The following HACD3 variants were observed in gnomAD, a reference collection of about 807,000 sequenced individuals.
The protein encoded by HACD3 is 3-hydroxyacyl-CoA dehydratase 3, also known as very-long-chain (3R)-3-hydroxyacyl-CoA dehydratase 3.
HACD3 carries 30 observed loss-of-function variants against 55.2 expected under a neutral mutation model. The ratio of observed to expected loss-of-function variants is 0.54; its 90% CI spans 0.41 to 0.74. HACD3 has a LOEUF of 0.74. Among genes scored for constraint, HACD3 ranks in the 30% least tolerant of loss-of-function variants. The pLI, the probability that HACD3 is intolerant of heterozygous loss-of-function variation, is 0.00. For missense variants in HACD3, 363 were observed against 440.1 expected, an observed-to-expected ratio of 0.82 and a Z score of 1.57; for synonymous variants, 141 against 151.7, an observed-to-expected ratio of 0.93 and a Z score of 0.52.
At chr15:65,535,662 T>C in intron 1 of HACD3, 1 of 418,664 alleles carries the variant, frequency 2.4e-6, no homozygotes, top group Non-Finnish European at 4.2e-6. Flanking sequence ...ATTATATCTG[T>C]TCTGGTGATC....
intron 10 of HACD3, among the ~76,000 whole-genome samples, chr15:65,574,706 G>T (rs8026786): frequency 0.2 from 30,970 of 151,884 alleles, 3,489 homozygotes; most frequent in African/African-American, 0.3. Flanking sequence ...ATTTGCAAAA[G>T]GTTAAAATTT....
At chr15:65,564,067 G>GC (rs1379073067) in intron 6 of HACD3, 148 bp from the exon 7 acceptor site, 1 of 1,001,124 alleles carries the variant, frequency 1.0e-6, no homozygotes, top group African/African-American at 1.6e-5. Context: ...CACCCTTCCT[G>GC]CTTAGTTAAG....
intron 1 of HACD3, 65 bp from the exon 2 acceptor site, chr15:65,551,611 C>T (rs960115449): frequency 5.7e-6 from 9 of 1,583,544 alleles, no homozygotes; most frequent in Non-Finnish European, 7.8e-6. Context: ...GAAGAAGCCC[C>T]TTGTTTAATC....
intron 2 of HACD3, chr15:65,552,015 T>A (rs1241245595): frequency 6.5e-6 from 2 of 306,980 alleles, no homozygotes; most frequent in Non-Finnish European, 1.2e-5. Context: ...GCCGCTATCT[T>A]GGACAAGTTA....
intron 8 of HACD3, 40 bp downstream of exon 8, chr15:65,570,243 C>T: frequency 3.6e-6 from 5 of 1,380,042 alleles, no homozygotes; most frequent in Non-Finnish European, 5.1e-6. Context: ...ATGCTGCTCC[C>T]TGTTTGCAGC....
chr15:65,537,978 T>A (rs1475372482), intron 1 of HACD3, among the ~76,000 whole-genome samples: 7 of 98,084 alleles, frequency 7.1e-5, no homozygotes, highest in South Asian at 4.4e-4. Context: ...TATATATATA[T>A]ATATATATAT....
At chr15:65,532,651 G>C (rs989560746) in intron 1 of HACD3, among the ~76,000 whole-genome samples, 3 of 145,930 alleles carry the variant, frequency 2.1e-5, no homozygotes, top group African/African-American at 7.5e-5. Context: ...AAAAAAAAAA[G>C]TAACCATCTA....
chr15:65,542,590 G>T (rs1478522376), intron 1 of HACD3, among the ~76,000 whole-genome samples: 2 of 151,932 alleles, frequency 1.3e-5, no homozygotes, highest in Non-Finnish European at 2.9e-5. Context: ...AAATATATTT[G>T]CAAATTTTTG....
intron 1 of HACD3, among the ~76,000 whole-genome samples, chr15:65,548,551 A>G (rs2072099446): frequency 6.6e-6 from 1 of 151,888 alleles, no homozygotes; most frequent in South Asian, 2.1e-4. Flanking sequence ...GATGATTTGA[A>G]AATTTTCGTA....
intron 7 of HACD3, among the ~76,000 whole-genome samples, chr15:65,567,491 A>G (rs1456919752): frequency 6.6e-6 from 1 of 152,186 alleles, no homozygotes; most frequent in East Asian, 1.9e-4. Flanking sequence ...TAATATTGTT[A>G]GTTCTCATAT....
rs564176954 is a variant in HACD3, at chr15:65,544,909, T to C, written c.88-6767T>C. 1.1e-3 allele frequency among the ~76,000 whole-genome samples: 160 copies of C among 151,696 alleles called. No homozygotes were observed. In the Middle Eastern group the frequency reaches 0.02, roughly 19 times the overall value. ...GGTTGCACGTGTCTGTAATCCCAGC[T>C]GCTCGGGAGGCTGAGGCAGGAGAAT... On this transcript the variant is annotated intron_variant, in intron 1 of 10. Transcript: ENST00000261875.
intron 4 of HACD3, 76 bp downstream of exon 4, chr15:65,556,979 C>A: frequency 7.4e-7 from 1 of 1,356,666 alleles, no homozygotes; most frequent in Non-Finnish European, 1.0e-6. Flanking sequence ...ACTTCAGATA[C>A]CTCTCGGTCT....
chr15:65,568,986 G>A (rs2072321204), intron 7 of HACD3, among the ~76,000 whole-genome samples: 1 of 152,100 alleles, frequency 6.6e-6, no homozygotes, highest in Non-Finnish European at 1.5e-5. Flanking sequence ...GGTGGCTCAT[G>A]CCTGTAATCC....
At chr15:65,573,692 ATACTC>A (rs560633606) in intron 10 of HACD3, among the ~76,000 whole-genome samples, 67 of 152,304 alleles carry the variant, frequency 4.4e-4, no homozygotes, top group Non-Finnish European at 7.9e-4. Flanking sequence ...TATCTATACT[ATACTC>A]TATACATAGA....
chr15:65,549,223 C>T (rs558064179), intron 1 of HACD3, among the ~76,000 whole-genome samples: 47 of 152,038 alleles, frequency 3.1e-4, no homozygotes, highest in Non-Finnish European at 5.7e-4. Context: ...TTTTGCCTTG[C>T]GAACATTTGC....
At chr15:65,537,983 A>C (rs866420551) in intron 1 of HACD3, among the ~76,000 whole-genome samples, 4 of 108,322 alleles carry the variant, frequency 3.7e-5, no homozygotes, top group African/African-American at 1.5e-4. Flanking sequence ...ATATATATAT[A>C]TATATATATA....
intron 10 of HACD3, among the ~76,000 whole-genome samples, chr15:65,573,899 A>G (rs367663553): frequency 6.6e-6 from 1 of 152,234 alleles, no homozygotes; most frequent in African/African-American, 2.4e-5. Context: ...AGAACTTTAC[A>G]TGTTTAAGGA....
rs1596219932 is a variant in HACD3, at chr15:65,571,616, T to C, written c.842T>C (p.Leu281Pro). 1.2e-6 allele frequency: 2 copies of C among 1,613,780 alleles called. No individual in the cohort carries two copies. The highest frequency in any genetic ancestry group is 1.1e-5 in the South Asian group (1 of 91,068). ...WKVLTWLRYT[L>P]WIPLYPLGCL... ...GTGCTCACATGGCTTCGTTACACTCTGTGGATTCCCTTATATCCACTGGGA... is the reference window on the plus strand; with the variant it reads ...GTGCTCACATGGCTTCGTTACACTCCGTGGATTCCCTTATATCCACTGGGA... The change falls in exon 9 of 11, where the codon CTG becomes CCG. Residue 281 changes from leucine to proline, a missense_variant. Transcript: ENST00000261875.
intron 10 of HACD3, among the ~76,000 whole-genome samples, chr15:65,575,030 T>C (rs1213780609): frequency 6.6e-6 from 1 of 152,218 alleles, no homozygotes; most frequent in Non-Finnish European, 1.5e-5. Flanking sequence ...ACACTCTAAT[T>C]TGCAAGATTT....
Sources: gnomAD v4.1 joint callset for allele counts (sites outside exome capture counted in the v4.1 genomes callset) on GRCh38, gnomAD v4.1.1 for gene constraint, MANE v1.5 for transcripts, NCBI Gene and HGNC (gene_info 2026-07-23, HGNC 2026-07-21) for gene names.